NOS1AP: variants seen among roughly 807,000 people sequenced by gnomAD.
The protein encoded by NOS1AP is carboxyl-terminal PDZ ligand of neuronal nitric oxide synthase protein.
NOS1AP carries 21 observed loss-of-function variants against 56.2 expected under a neutral mutation model. The observed-to-expected ratio is 0.37, with a 90% confidence interval of 0.26 to 0.54. The LOEUF is 0.54. Among genes scored for constraint, NOS1AP ranks in the 20% least tolerant of loss-of-function variants. The pLI is 0.84. For synonymous variants in NOS1AP, 270 were observed against 274.6 expected (o/e 0.98, Z 0.17); for missense variants, 522 against 657.8 (o/e 0.79, Z 2.26).
At chr1:162,316,050 C>G (rs181116824) in intron 4 of NOS1AP, among the ~76,000 whole-genome samples, 10 of 152,238 alleles carry the variant, frequency 6.6e-5, no homozygotes, top group African/African-American at 2.4e-4. Flanking sequence ...TTGCACAATT[C>G]CCAGAAATTA....
chr1:162,254,959 T>C (rs1653978659), intron 2 of NOS1AP, among the ~76,000 whole-genome samples: 1 of 152,208 alleles, frequency 6.6e-6, no homozygotes, highest in Non-Finnish European at 1.5e-5. Context: ...TATTATTCCT[T>C]CTTCCTCTCT....
chr1:162,145,868 G>C (rs1190165535), intron 1 of NOS1AP, among the ~76,000 whole-genome samples: 1 of 152,312 alleles, frequency 6.6e-6, no homozygotes, highest in Non-Finnish European at 1.5e-5. Flanking sequence ...AGGGAGACCA[G>C]ACTGCATTTG....
At chr1:162,122,839 TA>T (rs1444973794) in intron 1 of NOS1AP, among the ~76,000 whole-genome samples, 1 of 152,186 alleles carries the variant, frequency 6.6e-6, no homozygotes, top group African/African-American at 2.4e-5. Flanking sequence ...TTACAGGATT[TA>T]AACTTCTTTA....
chr1:162,136,564 G>A (rs1322014863), intron 1 of NOS1AP, among the ~76,000 whole-genome samples: 1 of 152,168 alleles, frequency 6.6e-6, no homozygotes, highest in Admixed American at 6.5e-5. Context: ...CTGTCTTGCT[G>A]GTATGATACC....
chr1:162,267,229 A>C (rs1654451913), intron 2 of NOS1AP, among the ~76,000 whole-genome samples: 7 of 152,162 alleles, frequency 4.6e-5, no homozygotes, highest in Admixed American at 4.6e-4. Flanking sequence ...TCTCCAAACT[A>C]ATGTTTGGAG....
chr1:162,078,475 A>C (rs962549087), intron 1 of NOS1AP, among the ~76,000 whole-genome samples: 1 of 152,038 alleles, frequency 6.6e-6, no homozygotes, highest in Non-Finnish European at 1.5e-5. Flanking sequence ...TTAGGTGCCA[A>C]ATCCTCTTGA....
At chr1:162,168,572 C>T (rs897887823) in intron 2 of NOS1AP, among the ~76,000 whole-genome samples, 2 of 152,190 alleles carry the variant, frequency 1.3e-5, no homozygotes, top group Non-Finnish European at 2.9e-5. Flanking sequence ...CTTGGAAGGG[C>T]AAAGGCCTAG....
At chr1:162,226,918 C>CTT (rs34269221) in intron 2 of NOS1AP, among the ~76,000 whole-genome samples, 16 of 147,400 alleles carry the variant, frequency 1.1e-4, no homozygotes, top group East Asian at 4.0e-4. Flanking sequence ...ATACTAGTGA[C>CTT]TTTTTTTTTT....
At chr1:162,291,948 A>G (rs1412058328) in intron 3 of NOS1AP, among the ~76,000 whole-genome samples, 3 of 152,252 alleles carry the variant, frequency 2.0e-5, no homozygotes, top group Admixed American at 2.0e-4. Context: ...TGAGTAAGAA[A>G]GACTAGTCTT....
chr1:162,079,335 A>G (rs765282278), intron 1 of NOS1AP, among the ~76,000 whole-genome samples: 1 of 152,188 alleles, frequency 6.6e-6, no homozygotes, highest in African/African-American at 2.4e-5. Flanking sequence ...GTCATTTCTC[A>G]ATTGTCATTT....
At chr1:162,196,610 G>A (rs1651813353) in intron 2 of NOS1AP, among the ~76,000 whole-genome samples, 1 of 152,216 alleles carries the variant, frequency 6.6e-6, no homozygotes, top group African/African-American at 2.4e-5. Flanking sequence ...AAGGGCACCA[G>A]TTCTCAAGGG....
chr1:162,347,139 C>A (rs1467938696), intron 6 of NOS1AP, among the ~76,000 whole-genome samples: 3 of 152,206 alleles, frequency 2.0e-5, no homozygotes, highest in Non-Finnish European at 4.4e-5. Flanking sequence ...GAACAGAAAC[C>A]AATCTGCTCA....
chr1:162,320,687 C>T (rs941259920), intron 4 of NOS1AP, among the ~76,000 whole-genome samples: 5 of 152,054 alleles, frequency 3.3e-5, no homozygotes, highest in Non-Finnish European at 5.9e-5. Context: ...AACCCCGTCT[C>T]TACTAAAAAT....
At chr1:162,307,531 C>T (rs116660976) in intron 4 of NOS1AP, among the ~76,000 whole-genome samples, 1,972 of 152,278 alleles carry the variant, frequency 0.013, 19 homozygotes, top group Non-Finnish European at 0.02. Context: ...AGGCCAGACG[C>T]GGTGGCTCAT....
At chr1:162,210,782 T>G (rs1652325444) in intron 2 of NOS1AP, among the ~76,000 whole-genome samples, 1 of 152,220 alleles carries the variant, frequency 6.6e-6, no homozygotes. Context: ...AGTGACATGT[T>G]CAAATAGCTC....
chr1:162,300,187 A>G (rs1655598596), intron 3 of NOS1AP, among the ~76,000 whole-genome samples: 1 of 151,828 alleles, frequency 6.6e-6, no homozygotes, highest in Non-Finnish European at 1.5e-5. Context: ...GGTGCTTCTC[A>G]CCTCAGCAAG....
At chr1:162,128,808 A>G (rs1275361809) in intron 1 of NOS1AP, among the ~76,000 whole-genome samples, 2 of 152,182 alleles carry the variant, frequency 1.3e-5, no homozygotes, top group African/African-American at 2.4e-5. Context: ...TGTTACTTGA[A>G]GAAATCAGTT....
At chr1:162,258,215 A>G (rs1260179792) in intron 2 of NOS1AP, among the ~76,000 whole-genome samples, 4 of 152,104 alleles carry the variant, frequency 2.6e-5, no homozygotes, top group Non-Finnish European at 5.9e-5. Flanking sequence ...ATCACATAGT[A>G]TTTATAACAT....
intron 1 of NOS1AP, among the ~76,000 whole-genome samples, chr1:162,134,317 A>T (rs4579729): frequency 0.24 from 35,722 of 151,712 alleles, 7,824 homozygotes; most frequent in African/African-American, 0.59. Flanking sequence ...ATGGCAAACC[A>T]CCATCTCTAC....
Sources: gnomAD v4.1 joint callset for allele counts (sites outside exome capture counted in the v4.1 genomes callset) on GRCh38, gnomAD v4.1.1 for gene constraint, MANE v1.5 for transcripts, NCBI Gene and HGNC (gene_info 2026-07-23, HGNC 2026-07-21) for gene names.